NAALADL2: variants seen among roughly 807,000 people sequenced by gnomAD.
NAALADL2 encodes N-acetylated alpha-linked acidic dipeptidase like 2, also known as inactive N-acetylated-alpha-linked acidic dipeptidase-like protein 2.
A neutral mutation model predicts 87.2 loss-of-function variants in NAALADL2; 76 were observed. That is an observed-to-expected ratio of 0.87 (90% CI 0.72 to 1.05). The LOEUF is 1.05. NAALADL2 is among the 50% of genes least tolerant of loss of function. NAALADL2 has a pLI of 0.00. For missense variants in NAALADL2, 1,089 were observed against 945.8 expected (o/e 1.15, Z -1.99); for synonymous variants, 354 against 331.0 (o/e 1.07, Z -0.75).
At chr3:175,139,770 GT>G (rs563774919) in intron 2 of NAALADL2, among the ~76,000 whole-genome samples, 53 of 152,028 alleles carry the variant, frequency 3.5e-4, no homozygotes, top group African/African-American at 1.2e-3. Context: ...TTTCTCTACA[GT>G]AAAAAGCATT....
intron 10 of NAALADL2, among the ~76,000 whole-genome samples, chr3:175,604,383 A>G (rs1723392298): frequency 6.7e-6 from 1 of 148,726 alleles, no homozygotes; most frequent in African/African-American, 2.5e-5. Context: ...CGCTCACTGC[A>G]AGCTCCGCCT....
intron 1 of NAALADL2, among the ~76,000 whole-genome samples, chr3:175,005,945 T>C (rs1054009894): frequency 2.0e-5 from 3 of 152,230 alleles, no homozygotes; most frequent in African/African-American, 7.2e-5. Flanking sequence ...CAACAGCGTT[T>C]GTCTAAAAGC....
intron 3 of NAALADL2, among the ~76,000 whole-genome samples, chr3:174,843,272 T>C (rs1724229143): frequency 6.6e-6 from 1 of 152,122 alleles, no homozygotes; most frequent in Non-Finnish European, 1.5e-5. Flanking sequence ...CCCCAGTCTC[T>C]GTTAACCAGT....
intron 1 of NAALADL2, among the ~76,000 whole-genome samples, chr3:175,048,774 A>G (rs746027979): frequency 3.9e-5 from 6 of 152,146 alleles, no homozygotes; most frequent in Non-Finnish European, 5.9e-5. Flanking sequence ...TTCTTTGGCA[A>G]CTGTAACATT....
At chr3:175,364,406 A>G (rs1450235429) in intron 5 of NAALADL2, among the ~76,000 whole-genome samples, 1 of 147,998 alleles carries the variant, frequency 6.8e-6, no homozygotes, top group African/African-American at 2.5e-5. Flanking sequence ...GGAGAAATGT[A>G]GCAAATTTCA....
chr3:174,688,579 TCTC>T (rs1728264610), intron 2 of NAALADL2, among the ~76,000 whole-genome samples: 1 of 152,072 alleles, frequency 6.6e-6, no homozygotes, highest in African/African-American at 2.4e-5. Flanking sequence ...TTATTATTCT[TCTC>T]AATAAAAATT....
At chr3:175,509,083 T>C (rs1433853088) in intron 9 of NAALADL2, among the ~76,000 whole-genome samples, 2 of 150,416 alleles carry the variant, frequency 1.3e-5, no homozygotes, top group Non-Finnish European at 3.0e-5. Flanking sequence ...ACCATTGCAT[T>C]CCAGCCTGGG....
intron 5 of NAALADL2, among the ~76,000 whole-genome samples, chr3:175,349,548 C>T (rs371011665): frequency 1.3e-4 from 20 of 152,146 alleles, no homozygotes; most frequent in African/African-American, 3.1e-4. Flanking sequence ...CTCTCCTATG[C>T]GGAGTTTTCC....
At chr3:174,630,997 C>G (rs898854235) in intron 2 of NAALADL2, among the ~76,000 whole-genome samples, 1 of 152,126 alleles carries the variant, frequency 6.6e-6, no homozygotes, top group Non-Finnish European at 1.5e-5. Context: ...CCAGAAGAGC[C>G]TGTTATGGCA....
intron 4 of NAALADL2, among the ~76,000 whole-genome samples, chr3:175,296,862 G>A (rs1384733969): frequency 6.6e-6 from 1 of 152,128 alleles, no homozygotes; most frequent in African/African-American, 2.4e-5. Flanking sequence ...TTCAGGGGAT[G>A]AACTGCTTCA....
chr3:174,819,431 AAAG>A (rs1306196983), intron 3 of NAALADL2, among the ~76,000 whole-genome samples: 2 of 151,978 alleles, frequency 1.3e-5, no homozygotes. Context: ...AATCAGCAAA[AAAG>A]CAATAATATA....
intron 2 of NAALADL2, among the ~76,000 whole-genome samples, chr3:175,194,043 G>A (rs1209891708): frequency 1.3e-5 from 2 of 151,780 alleles, no homozygotes; most frequent in African/African-American, 2.4e-5. Context: ...CGATATGTAC[G>A]TGTGTTGGTT....
chr3:175,283,098 G>A (rs1407979091), intron 4 of NAALADL2, among the ~76,000 whole-genome samples: 3 of 151,842 alleles, frequency 2.0e-5, no homozygotes, highest in Non-Finnish European at 4.4e-5. Flanking sequence ...TTATCTAAGG[G>A]AAATGGTCTC....
chr3:175,141,786 G>A (rs145875318), intron 2 of NAALADL2, among the ~76,000 whole-genome samples: 4 of 152,180 alleles, frequency 2.6e-5, no homozygotes, highest in African/African-American at 9.6e-5. Context: ...ATGTTTAATG[G>A]CTTAATGTGT....
At chr3:174,744,272 G>A (rs1734040197) in intron 3 of NAALADL2, among the ~76,000 whole-genome samples, 3 of 151,808 alleles carry the variant, frequency 2.0e-5, no homozygotes, top group African/African-American at 7.2e-5. Flanking sequence ...CTTTAAAGAG[G>A]GAAAGAGAAG....
chr3:174,734,209 C>T (rs1037205951), intron 2 of NAALADL2, among the ~76,000 whole-genome samples: 1 of 152,076 alleles, frequency 6.6e-6, no homozygotes, highest in African/African-American at 2.4e-5. Context: ...TAGTGATTTC[C>T]AATCCTCCTC....
At chr3:174,451,950 C>A (rs1490361898) in intron 1 of NAALADL2, among the ~76,000 whole-genome samples, 3 of 138,066 alleles carry the variant, frequency 2.2e-5, no homozygotes, top group Admixed American at 1.6e-4. Context: ...TCAAGAGATT[C>A]TCGTGCCTCA....
intron 1 of NAALADL2, among the ~76,000 whole-genome samples, chr3:174,463,745 C>A (rs1430199894): frequency 6.6e-6 from 1 of 151,706 alleles, no homozygotes; most frequent in African/African-American, 2.4e-5. Context: ...GGACTACAGG[C>A]GCCCACCACC....
chr3:175,332,654 T>C (rs540580667), intron 5 of NAALADL2, among the ~76,000 whole-genome samples: 2 of 152,322 alleles, frequency 1.3e-5, no homozygotes, highest in Admixed American at 6.5e-5. Flanking sequence ...CCTTAACATA[T>C]AGTCTTTCAT....
Sources: gnomAD v4.1 joint callset for allele counts (sites outside exome capture counted in the v4.1 genomes callset) on GRCh38, gnomAD v4.1.1 for gene constraint, MANE v1.5 for transcripts, NCBI Gene and HGNC (gene_info 2026-07-23, HGNC 2026-07-21) for gene names.